The following MIPOL1 variants were observed in gnomAD, a reference collection of about 807,000 sequenced individuals.
The protein encoded by MIPOL1 is mirror-image polydactyly 1.
Under a neutral mutation model 60.9 loss-of-function variants are expected in MIPOL1, and 57 were observed. The ratio of observed to expected loss-of-function variants is 0.94; its 90% CI spans 0.76 to 1.17. The LOEUF is 1.17. Ranked by LOEUF, MIPOL1 falls within the 50% of genes most tolerant of loss-of-function variation. MIPOL1 has a pLI of 0.00. For missense variants in MIPOL1, 551 were observed against 511.6 expected, an observed-to-expected ratio of 1.08 and a Z score of -0.74; for synonymous variants, 179 against 168.8, an observed-to-expected ratio of 1.06 and a Z score of -0.47.
chr14:37,482,222 A>G (rs112420228), intron 11 of MIPOL1, among the ~76,000 whole-genome samples: 156 of 152,308 alleles, frequency 1.0e-3, no homozygotes, highest in African/African-American at 3.5e-3. Flanking sequence ...CACTCAACTC[A>G]ATAGCAAGAA....
intron 9 of MIPOL1, among the ~76,000 whole-genome samples, chr14:37,330,598 C>A (rs1261789458): frequency 6.6e-6 from 1 of 152,046 alleles, no homozygotes; most frequent in East Asian, 1.9e-4. Flanking sequence ...AATGGCTATC[C>A]CAGCAGGTTG....
Position 37,547,501 on chromosome 14 carries a change from A to G in MIPOL1, c.*530A>G, listed in dbSNP as rs1187280032. On this transcript the variant is annotated 3_prime_UTR_variant, in exon 13 of 13. Transcript: ENST00000684589. ...ATGCGTGTATGTAATCTTTGTTAGT[A>G]TAAAAGATATTAAATATAGGTGCCA... is the stretch of plus-strand genomic sequence containing the variant. 1 of 152,676 alleles carries G rather than the reference A, an allele frequency of 6.5e-6. No individual in the cohort carries two copies. The highest frequency in any genetic ancestry group is 1.9e-4 in the East Asian group (1 of 5,194). The allele number at this position is 152,676 out of a possible 1,614,324, so 9.5% of individuals were successfully genotyped here.
intron 1 of MIPOL1, among the ~76,000 whole-genome samples, chr14:37,209,582 C>A (rs1238543318): frequency 1.3e-5 from 2 of 152,046 alleles, no homozygotes; most frequent in Non-Finnish European, 2.9e-5. Context: ...ATCGCTTGAA[C>A]CCAGGAGGCG....
intron 12 of MIPOL1, among the ~76,000 whole-genome samples, chr14:37,520,160 G>C (rs1178605323): frequency 6.6e-6 from 1 of 152,062 alleles, no homozygotes; most frequent in Non-Finnish European, 1.5e-5. Context: ...CTTTTACTTT[G>C]TAGGCCCATG....
rs1215457187 is a variant in MIPOL1 at position 37,549,424 on chromosome 14, G to C, written c.*2453G>C. ...ATATATAACCCATATAATAACGATG[G>C]TGATGATAATTTTAGTATTACTGTC... On this transcript the variant is annotated 3_prime_UTR_variant, in exon 13 of 13. Transcript: ENST00000684589. 6.6e-6 allele frequency: 1 copy of C among 151,380 alleles called. No individual in the cohort carries two copies. Among genetic ancestry groups the C allele is most frequent in the Non-Finnish European group, 1.5e-5 (1 of 67,684 alleles). 9.4% of individuals were successfully genotyped at this position (151,380 alleles called of 1,614,324 possible).
rs1202733031 is a variant in MIPOL1 at position 37,524,562 on chromosome 14, T to C, written c.1263-22343T>C. ...TCTTCTTGACATCTTAATTTTTCTT[T>C]TTCTTTTCTTTTTTTTTTTTTTTGA... On this transcript the variant is annotated intron_variant, in intron 12 of 12. Coordinates refer to ENST00000684589, the MANE Select transcript of MIPOL1 (RefSeq NM_001388067.1). 5.2e-5 allele frequency among the ~76,000 whole-genome samples: 3 copies of C among 58,086 alleles called. 1 individual carries two copies. Among genetic ancestry groups the C allele is most frequent in the Non-Finnish European group, 9.1e-5 (3 of 32,790 alleles). The allele number at this position is 58,086 out of a possible 152,430, so 38.1% of individuals were successfully genotyped here. A position where few individuals can be genotyped will look rare whatever the true frequency, so the allele number is the denominator to read the frequency against.
intron 1 of MIPOL1, among the ~76,000 whole-genome samples, chr14:37,214,156 G>A (rs1292343146): frequency 6.6e-6 from 1 of 151,730 alleles, no homozygotes; most frequent in Non-Finnish European, 1.5e-5. Context: ...ACTTGTAATA[G>A]TAGACAGAAA....
chr14:37,321,397 T>C (rs960957858), intron 9 of MIPOL1, among the ~76,000 whole-genome samples: 68 of 152,140 alleles, frequency 4.5e-4, no homozygotes, highest in African/African-American at 1.6e-3. Flanking sequence ...TAGGAAATTC[T>C]GAAGCTATCT....
rs143007124 is a variant in MIPOL1 at position 37,298,357 on chromosome 14, A to C, written c.624-9699A>C. 9.3e-3 allele frequency among the ~76,000 whole-genome samples: 1,416 copies of C among 152,290 alleles called. 19 individuals are homozygous for C. Among genetic ancestry groups the C allele is most frequent in the African/African-American group, 0.029 (1,223 of 41,562 alleles). On this transcript the variant is annotated intron_variant, in intron 7 of 12. Transcript: ENST00000684589. ...TAAAACCATAAAAACCCTACAAGAA[A>C]ACCTAGGCAATACCATTCAGGACAT...
intron 9 of MIPOL1, among the ~76,000 whole-genome samples, chr14:37,350,347 G>T (rs2153472228): frequency 6.6e-6 from 1 of 152,150 alleles, no homozygotes; most frequent in South Asian, 2.1e-4. Context: ...AAAGTGCTGG[G>T]GTTACAGGCA....
In MIPOL1 at chr14:37,550,229, C is replaced by G. The variant is rs1422627900; in HGVS notation, c.*3258C>G. ...ATAATTTGTTTATTTTATTAAAAAT[C>G]TAGAATATTAAAGATTTATACTTTT... On this transcript the variant is annotated 3_prime_UTR_variant, in exon 13 of 13. Transcript: ENST00000684589. The G allele has an allele frequency of 1.3e-5, 2 of 150,580 alleles. No homozygotes were observed. The highest frequency in any genetic ancestry group is 2.1e-4 in the South Asian group (1 of 4,796). The allele number at this position is 150,580 out of a possible 1,614,324, so 9.3% of individuals were successfully genotyped here.
intron 11 of MIPOL1, among the ~76,000 whole-genome samples, chr14:37,487,751 G>T (rs1441484695): frequency 6.6e-6 from 1 of 151,868 alleles, no homozygotes; most frequent in Non-Finnish European, 1.5e-5. Flanking sequence ...AGTCTGGCTA[G>T]CGGTCTATTT....
intron 10 of MIPOL1, among the ~76,000 whole-genome samples, chr14:37,388,340 A>G (rs553805008): frequency 2.0e-5 from 3 of 152,114 alleles, no homozygotes; most frequent in South Asian, 2.1e-4. Context: ...AAATGAATGT[A>G]TTTGTATTGG....
chr14:37,425,343 A>T (rs1055474792), intron 11 of MIPOL1, among the ~76,000 whole-genome samples: 1 of 152,184 alleles, frequency 6.6e-6, no homozygotes, highest in Non-Finnish European at 1.5e-5. Flanking sequence ...TCATTTTTGA[A>T]AATCATAAAG....
chr14:37,224,172 G>T (rs1969304197), intron 1 of MIPOL1, among the ~76,000 whole-genome samples: 1 of 152,156 alleles, frequency 6.6e-6, no homozygotes, highest in South Asian at 2.1e-4. Context: ...GAGTGAAAGA[G>T]AACTCTGTTT....
chr14:37,243,689 G>C (rs1427581106), intron 1 of MIPOL1, among the ~76,000 whole-genome samples: 1 of 152,178 alleles, frequency 6.6e-6, no homozygotes, highest in Non-Finnish European at 1.5e-5. Context: ...TTTTGTGGAG[G>C]AAGGTAGGAA....
chr14:37,425,729 G>C (rs902953207), intron 11 of MIPOL1, among the ~76,000 whole-genome samples: 4 of 152,128 alleles, frequency 2.6e-5, no homozygotes, highest in African/African-American at 9.7e-5. Context: ...CATTGAGGTA[G>C]GAGCAGAACC....
chr14:37,441,369 G>A (rs1286703769), intron 11 of MIPOL1, among the ~76,000 whole-genome samples: 2 of 151,988 alleles, frequency 1.3e-5, no homozygotes, highest in African/African-American at 4.8e-5. Flanking sequence ...TATAGTTTTA[G>A]GTCTTATATT....
chr14:37,452,474 C>T (rs185369487), intron 11 of MIPOL1, among the ~76,000 whole-genome samples: 9 of 152,268 alleles, frequency 5.9e-5, no homozygotes, highest in Admixed American at 3.9e-4. Flanking sequence ...CAAGTTACTA[C>T]AGTTCTTTCT....
Sources: allele counts gnomAD v4.1 joint callset (sites outside exome capture counted in the v4.1 genomes callset), GRCh38; gene constraint gnomAD v4.1.1; transcripts MANE v1.5; gene names NCBI Gene and HGNC (gene_info 2026-07-23, HGNC 2026-07-21).